Variants in TCERG1L observed in about 807,000 individuals in gnomAD.
The protein encoded by TCERG1L is transcription elongation regulator 1 like.
TCERG1L carries 37 observed loss-of-function variants against 56.3 expected under a neutral mutation model. The observed-to-expected ratio is 0.66, with a 90% confidence interval of 0.51 to 0.87. The LOEUF (loss-of-function observed/expected upper bound fraction) is 0.87. Ranked by LOEUF, TCERG1L falls within the 40% of genes least tolerant of loss-of-function variation. The pLI, the probability that TCERG1L is intolerant of heterozygous loss-of-function variation, is 0.00. For missense variants in TCERG1L, 799 were observed against 774.2 expected (o/e 1.03, Z -0.38); for synonymous variants, 324 against 326.3 (o/e 0.99, Z 0.08).
At chr10:131,254,834 A>G (rs1044956027) in intron 4 of TCERG1L, among the ~76,000 whole-genome samples, 2 of 152,194 alleles carry the variant, frequency 1.3e-5, no homozygotes, top group African/African-American at 2.4e-5. Context: ...TACTTGAAAG[A>G]CCACAGGAGA....
At chr10:131,146,480 G>C (rs1164637067) in intron 7 of TCERG1L, 26 bp downstream of exon 7, 1 of 1,579,088 alleles carries the variant, frequency 6.3e-7, no homozygotes, top group African/African-American at 1.4e-5. Flanking sequence ...TTCAAAGGAG[G>C]TGTAAATAAC....
Position 131,260,045 on chromosome 10 carries a change from G to A in TCERG1L, c.856+214C>T, listed in dbSNP as rs139778706. Among the ~76,000 whole-genome samples the A allele has an allele frequency of 5.1e-3, 784 of 152,346 alleles. 6 individuals carry two copies. Among genetic ancestry groups the A allele is most frequent in the Non-Finnish European group, 7.5e-3 (513 of 68,034 alleles). On this transcript the variant is annotated intron_variant, in intron 4 of 11. Transcript: ENST00000368642. The surrounding 1 kb of genome is among the most constrained non-coding windows in gnomAD (Gnocchi z 5.8). ...CTTGGCTTTACAGCAGGAAGTGCCA[G>A]GGTGGACCTGACAAGGTGGCTCAGT...
In TCERG1L at chr10:131,164,141, A is replaced by G. The variant is rs889138314; in HGVS notation, c.946-931T>C. On this transcript the variant is annotated intron_variant, in intron 5 of 11. Coordinates refer to ENST00000368642, the MANE Select transcript of TCERG1L (RefSeq NM_174937.4). Reference sequence around the variant, plus strand: ...GACTCTGTCTTAAAAAAAAAAAAAAAAAAGAAAAAAGAAAAAAAAAAGAAA... The same window carrying G: ...GACTCTGTCTTAAAAAAAAAAAAAAGAAAGAAAAAAGAAAAAAAAAAGAAA... The G allele has an allele frequency of 2.0e-4, 30 of 150,340 alleles. 1 individual carries two copies. Among genetic ancestry groups the G allele is most frequent in the Admixed American group, 1.3e-4 (2 of 15,136 alleles). The allele number at this position is 150,340 out of a possible 1,614,324, so 9.3% of individuals were successfully genotyped here. A position where few individuals can be genotyped will look rare whatever the true frequency, so the allele number is the denominator to read the frequency against.
At chr10:131,310,768 G>T (rs1024773551) in intron 1 of TCERG1L, among the ~76,000 whole-genome samples, 63 of 152,212 alleles carry the variant, frequency 4.1e-4, no homozygotes, top group African/African-American at 1.5e-3. Flanking sequence ...GGATTTCCCG[G>T]CCACTTCCGT....
intron 4 of TCERG1L, among the ~76,000 whole-genome samples, chr10:131,247,306 A>G (rs559069405): frequency 6.6e-6 from 1 of 152,306 alleles, no homozygotes; most frequent in South Asian, 2.1e-4. Context: ...TGAATATTAG[A>G]TATTCAAGTC....
At position 131,093,197 on chromosome 10, in the gene TCERG1L, T is replaced by C. The variant is rs1301012278; in HGVS notation, c.1726A>G (p.Lys576Glu). The C allele has an allele frequency of 6.2e-7, 1 of 1,613,904 alleles. No homozygotes were observed. The highest frequency in any genetic ancestry group is 8.5e-7 in the Non-Finnish European group (1 of 1,179,850). The part of the protein sequence containing the change: ...QFILILKKRD[K>E]ENRLRLRKMR ...TTCCGCAGCCTTAGTCTGTTTTCCTTGTCCCGTTTCTTAAGAATAAGTATG... is the reference window on the plus strand; with the variant it reads ...TTCCGCAGCCTTAGTCTGTTTTCCTCGTCCCGTTTCTTAAGAATAAGTATG... The change falls in exon 12 of 12, where the codon AAG becomes GAG. Residue 576 changes from lysine to glutamate, a missense_variant. Coordinates refer to ENST00000368642, the MANE Select transcript of TCERG1L (RefSeq NM_174937.4).
intron 4 of TCERG1L, among the ~76,000 whole-genome samples, chr10:131,181,367 C>G (rs1845174273): frequency 6.6e-6 from 1 of 152,236 alleles, no homozygotes; most frequent in Admixed American, 6.5e-5. Flanking sequence ...AGGCGGAGGT[C>G]TGCGATTGGG....
At chr10:131,247,034 CCAAGCTG>C (rs1483414709) in intron 4 of TCERG1L, among the ~76,000 whole-genome samples, 1 of 152,096 alleles carries the variant, frequency 6.6e-6, no homozygotes, top group Non-Finnish European at 1.5e-5. Flanking sequence ...CAACAGATTC[CCAAGCTG>C]GTGGGGTGAG....
chr10:131,292,450 A>G (rs567811314), intron 3 of TCERG1L, among the ~76,000 whole-genome samples: 1 of 152,298 alleles, frequency 6.6e-6, no homozygotes, highest in Non-Finnish European at 1.5e-5. Flanking sequence ...ATTTTCCCCA[A>G]TACTTTGTAG....
chr10:131,213,825 G>T (rs1484677879), intron 4 of TCERG1L, among the ~76,000 whole-genome samples: 1 of 152,198 alleles, frequency 6.6e-6, no homozygotes, highest in Non-Finnish European at 1.5e-5. Flanking sequence ...CCCTGCTTCA[G>T]GAACTGGGAG....
intron 9 of TCERG1L, among the ~76,000 whole-genome samples, chr10:131,110,147 G>A (rs1401544813): frequency 1.3e-5 from 2 of 152,156 alleles, no homozygotes; most frequent in Non-Finnish European, 2.9e-5. Context: ...CTTTCACAGC[G>A]GTTTTCAACA....
intron 4 of TCERG1L, among the ~76,000 whole-genome samples, chr10:131,199,925 C>A (rs1287163884): frequency 6.6e-6 from 1 of 152,216 alleles, no homozygotes; most frequent in African/African-American, 2.4e-5. Flanking sequence ...CTCACTCTGG[C>A]TCTAGCAAAG....
intron 6 of TCERG1L, 43 bp downstream of exon 6, chr10:131,163,079 A>G: frequency 6.9e-7 from 1 of 1,441,226 alleles, no homozygotes; most frequent in Non-Finnish European, 9.3e-7. Flanking sequence ...CCAGGACCAG[A>G]CAACGCCATT....
chr10:131,222,325 C>T (rs931272362), intron 4 of TCERG1L, among the ~76,000 whole-genome samples: 3 of 152,232 alleles, frequency 2.0e-5, no homozygotes, highest in Admixed American at 6.5e-5. Flanking sequence ...GTGACGGCTG[C>T]GTTTTGAACC....
chr10:131,152,981 C>T (rs983682753), intron 6 of TCERG1L, among the ~76,000 whole-genome samples: 2 of 152,156 alleles, frequency 1.3e-5, no homozygotes, highest in African/African-American at 4.8e-5. Context: ...CCTGCTCCTG[C>T]CCTTGACACA....
At chr10:131,248,163 A>G (rs1347221399) in intron 4 of TCERG1L, among the ~76,000 whole-genome samples, 1 of 151,278 alleles carries the variant, frequency 6.6e-6, no homozygotes, top group Non-Finnish European at 1.5e-5. Context: ...TGGTAAACAC[A>G]CCCACACACC....
chr10:131,303,459 T>G (rs900896489), intron 3 of TCERG1L, among the ~76,000 whole-genome samples: 3 of 152,122 alleles, frequency 2.0e-5, no homozygotes. Context: ...CTTCACCCAC[T>G]TTGTAATGGG....
intron 4 of TCERG1L, among the ~76,000 whole-genome samples, chr10:131,245,474 T>G (rs894732121): frequency 1.3e-5 from 2 of 152,176 alleles, no homozygotes; most frequent in African/African-American, 4.8e-5. Context: ...CCACAGTCAC[T>G]TCCCTTGAAG....
intron 3 of TCERG1L, among the ~76,000 whole-genome samples, chr10:131,272,934 G>A (rs569633702): frequency 3.4e-4 from 52 of 152,310 alleles, no homozygotes; most frequent in African/African-American, 1.0e-3. Context: ...GTGCCCAGCC[G>A]GGAGCTCTGT....
Sources: allele counts gnomAD v4.1 joint callset (sites outside exome capture counted in the v4.1 genomes callset), GRCh38; gene constraint gnomAD v4.1.1; non-coding constraint Gnocchi (gnomAD v3.1); transcripts MANE v1.5; gene names NCBI Gene and HGNC (gene_info 2026-07-23, HGNC 2026-07-21).